The following PTPRG variants were observed in gnomAD, a reference collection of about 807,000 sequenced individuals.
The protein encoded by PTPRG is protein tyrosine phosphatase receptor type G.
In PTPRG, 102 loss-of-function variants were observed where a neutral mutation model predicts 165.3. That is an observed-to-expected ratio of 0.62 (90% CI 0.53 to 0.73). PTPRG has a LOEUF of 0.73. PTPRG is among the 30% of genes least tolerant of loss of function. The pLI is 0.00. For missense variants in PTPRG, 1,866 were observed against 1,861.4 expected (o/e 1.00, Z -0.05); for synonymous variants, 675 against 669.5 (o/e 1.01, Z -0.13).
intron 2 of PTPRG, among the ~76,000 whole-genome samples, chr3:61,934,505 G>C (rs1228848143): frequency 6.6e-6 from 1 of 151,908 alleles, no homozygotes; most frequent in Non-Finnish European, 1.5e-5. Flanking sequence ...CAGCAATTTA[G>C]GGCTGATCTG....
At chr3:61,807,720 G>GT (rs1163875990) in intron 2 of PTPRG, among the ~76,000 whole-genome samples, 1 of 152,154 alleles carries the variant, frequency 6.6e-6, no homozygotes, top group African/African-American at 2.4e-5. Flanking sequence ...GTATGTGTGT[G>GT]TACGTAAATA....
chr3:61,663,862 G>A (rs543931835), intron 1 of PTPRG, among the ~76,000 whole-genome samples: 37 of 152,076 alleles, frequency 2.4e-4, no homozygotes, highest in Non-Finnish European at 4.7e-4. Context: ...TCTGACAGGC[G>A]GCAGAGCTCA....
At chr3:62,161,221 G>C (rs143451631) in intron 7 of PTPRG, among the ~76,000 whole-genome samples, 1 of 152,082 alleles carries the variant, frequency 6.6e-6, no homozygotes, top group African/African-American at 2.4e-5. Flanking sequence ...GATATTAGGC[G>C]TTGTTGTTGT....
rs1553660820 is a variant in PTPRG at position 61,752,802 on chromosome 3, G to GAAAAGAAAAA, written c.190+3824_190+3825insGAAAAAAAAA. Reference sequence around the variant, plus strand: ...GACTGTCTCAAAAAAAAAAAAAAAAGAAAAAAAAAAAGAAAATATTTGCCA... The same window carrying GAAAAGAAAAA: ...GACTGTCTCAAAAAAAAAAAAAAAAGAAAAGAAAAAAAAAAAAAAAAGAAAATATTTGCCA... On this transcript the variant is annotated intron_variant, in intron 2 of 29. Transcript: ENST00000474889. 6.7e-3 allele frequency among the ~76,000 whole-genome samples: 696 copies of GAAAAGAAAAA among 103,704 alleles called. 10 individuals are homozygous for GAAAAGAAAAA. Among genetic ancestry groups the GAAAAGAAAAA allele is most frequent in the African/African-American group, 0.024 (624 of 26,398 alleles). The allele number at this position is 103,704 out of a possible 152,430, so 68.0% of individuals were successfully genotyped here.
At chr3:61,976,724 G>T (rs1023910872) in intron 2 of PTPRG, among the ~76,000 whole-genome samples, 1 of 151,200 alleles carries the variant, frequency 6.6e-6, no homozygotes, top group Admixed American at 6.6e-5. Flanking sequence ...GCCCAGGCTG[G>T]CATCCAGTGG....
chr3:61,898,723 C>T (rs1210765045), intron 2 of PTPRG, among the ~76,000 whole-genome samples: 25 of 152,136 alleles, frequency 1.6e-4, no homozygotes, highest in Admixed American at 1.6e-3. Flanking sequence ...AAAGAACCTT[C>T]TTTTGATGGT....
intron 6 of PTPRG, among the ~76,000 whole-genome samples, chr3:62,139,992 G>A (rs1703862314): frequency 6.6e-6 from 1 of 152,196 alleles, no homozygotes; most frequent in Non-Finnish European, 1.5e-5. Context: ...TATTCCACCT[G>A]CTGGGACTGA....
At chr3:61,982,339 C>G (rs1472969863) in intron 2 of PTPRG, among the ~76,000 whole-genome samples, 1 of 152,140 alleles carries the variant, frequency 6.6e-6, no homozygotes, top group East Asian at 1.9e-4. Context: ...AACTTTAAGT[C>G]AGCCTAGTTA....
intron 1 of PTPRG, among the ~76,000 whole-genome samples, chr3:61,613,545 C>G (rs1701231617): frequency 6.6e-6 from 1 of 152,128 alleles, no homozygotes; most frequent in African/African-American, 2.4e-5. Flanking sequence ...AAAACCCACC[C>G]AATTACAGTG....
intron 4 of PTPRG, among the ~76,000 whole-genome samples, chr3:62,074,352 C>CTTTCTTTTTT (rs1701310935): frequency 3.7e-5 from 4 of 109,114 alleles, no homozygotes; most frequent in African/African-American, 1.5e-4. Flanking sequence ...TCTTTTCTTT[C>CTTTCTTTTTT]TTTTTTTTTT....
In PTPRG at chr3:62,203,814, C is replaced by T; in HGVS notation, c.2019C>T (p.Ser673=). 1 of 1,613,992 alleles carries T rather than the reference C, an allele frequency of 6.2e-7. No homozygotes were observed. The highest frequency in any genetic ancestry group is 1.1e-5 in the South Asian group (1 of 91,028). The change falls in exon 12 of 30, where the codon TCC becomes TCT. Residue 673 remains serine, a synonymous_variant. Transcript: ENST00000474889. The surrounding 1 kb of genome is among the most constrained non-coding windows in gnomAD (Gnocchi z 6.4). Reference sequence around the variant, plus strand: ...GCCTGGACCCCGACATGGTCACCTCCACCCAAGTGCCCCCCACCGCCACAG... The same window carrying T: ...GCCTGGACCCCGACATGGTCACCTCTACCCAAGTGCCCCCCACCGCCACAG... ...GPGLDPDMVT[S]TQVPPTATEE...
intron 2 of PTPRG, among the ~76,000 whole-genome samples, chr3:61,928,843 C>T (rs2039289939): frequency 6.6e-6 from 1 of 152,120 alleles, no homozygotes; most frequent in African/African-American, 2.4e-5. Flanking sequence ...AAATATTTCA[C>T]TATAAAACAG....
intron 4 of PTPRG, among the ~76,000 whole-genome samples, chr3:62,052,887 T>C (rs1457442826): frequency 1.3e-5 from 2 of 152,216 alleles, no homozygotes; most frequent in Non-Finnish European, 2.9e-5. Context: ...ATTTACATGT[T>C]GATAATTGCC....
chr3:61,977,594 GC>G (rs2040539446), intron 2 of PTPRG, among the ~76,000 whole-genome samples: 1 of 115,742 alleles, frequency 8.6e-6, no homozygotes, highest in Non-Finnish European at 1.8e-5. Flanking sequence ...TCTGCAACTA[GC>G]TTTTTTTTTC....
intron 1 of PTPRG, among the ~76,000 whole-genome samples, chr3:61,633,790 A>G (rs1360998861): frequency 6.6e-6 from 1 of 152,116 alleles, no homozygotes; most frequent in East Asian, 1.9e-4. Flanking sequence ...TCTTAGGAGG[A>G]AAAATATATA....
In PTPRG at chr3:61,909,676, G is replaced by A. The variant is rs371198472; in HGVS notation, c.191-79949G>A. Among the ~76,000 whole-genome samples, 140 of 150,136 alleles carry A rather than the reference G, an allele frequency of 9.3e-4. 1 individual carries two copies. In the Middle Eastern group the frequency reaches 0.045, roughly 48 times the overall value. On this transcript the variant is annotated intron_variant, in intron 2 of 29. Transcript: ENST00000474889. ...GCTGGGTTTACAGTTATGAGCCATG[G>A]CATCTGACCTCAACTGAAGTTTTAA...
intron 5 of PTPRG, among the ~76,000 whole-genome samples, chr3:62,094,683 C>T (rs1702051367): frequency 6.6e-6 from 1 of 152,228 alleles, no homozygotes; most frequent in African/African-American, 2.4e-5. Context: ...AGAGCCAGTT[C>T]TCTTCTAGTC....
intron 4 of PTPRG, among the ~76,000 whole-genome samples, chr3:62,045,611 C>A (rs1325195969): frequency 6.6e-6 from 1 of 152,164 alleles, no homozygotes; most frequent in African/African-American, 2.4e-5. Context: ...GTTTTCTGTA[C>A]CTGTCAAATG....
intron 2 of PTPRG, among the ~76,000 whole-genome samples, chr3:61,960,761 C>G (rs967490062): frequency 6.6e-6 from 1 of 152,208 alleles, no homozygotes; most frequent in Non-Finnish European, 1.5e-5. Context: ...GTAATTATAG[C>G]TTTATAATGG....
Sources: gnomAD v4.1 joint callset for allele counts (sites outside exome capture counted in the v4.1 genomes callset) on GRCh38, gnomAD v4.1.1 for gene constraint, Gnocchi (gnomAD v3.1) non-coding constraint, MANE v1.5 for transcripts, NCBI Gene and HGNC (gene_info 2026-07-23, HGNC 2026-07-21) for gene names.